The following RYR3 variants were observed in gnomAD, a reference collection of about 807,000 sequenced individuals.
RYR3 encodes ryanodine receptor 3.
A neutral mutation model predicts 584.3 loss-of-function variants in RYR3; 207 were observed. The observed-to-expected ratio is 0.35, with a 90% CI of 0.32 to 0.40. The LOEUF is 0.40. RYR3 is among the 10% of genes least tolerant of loss of function. RYR3 has a pLI of 1.00. For synonymous variants in RYR3, 2,416 were observed against 2,248.5 expected (o/e 1.07, Z -2.11); for missense variants, 5,616 against 6,089.2 (o/e 0.92, Z 2.59).
intron 1 of RYR3, among the ~76,000 whole-genome samples, chr15:33,448,553 A>T (rs1305369936): frequency 6.6e-6 from 1 of 152,278 alleles, no homozygotes; most frequent in African/African-American, 2.4e-5. Context: ...CTGAGCACTA[A>T]CAAGGAAATG....
In RYR3 at chr15:33,505,636, C is replaced by T. The variant is rs1010818201; in HGVS notation, c.279+1898C>T. Among the ~76,000 whole-genome samples, 8 of 152,084 alleles carry T rather than the reference C, an allele frequency of 5.3e-5. No homozygotes were observed. The South Asian group carries it at 6.2e-4, about 12-fold the overall frequency. ...CCTCCTGAGTAGCTGGGACTACAGGCGCCCGCCACCATGCCCGGCTAATTT... is the reference window on the plus strand; with the variant it reads ...CCTCCTGAGTAGCTGGGACTACAGGTGCCCGCCACCATGCCCGGCTAATTT... On this transcript the variant is annotated intron_variant, in intron 3 of 103. Transcript: ENST00000634891.
At chr15:33,388,653 A>G (rs76976761) in intron 1 of RYR3, among the ~76,000 whole-genome samples, 1 of 152,220 alleles carries the variant, frequency 6.6e-6, no homozygotes, top group Non-Finnish European at 1.5e-5. Context: ...ATTGGCTTCT[A>G]AGAGTGAACA....
chr15:33,709,978 C>T (rs928362438), intron 43 of RYR3, among the ~76,000 whole-genome samples: 9 of 152,140 alleles, frequency 5.9e-5, no homozygotes, highest in African/African-American at 1.9e-4. Flanking sequence ...TTGATACCCA[C>T]TCATGGGTTC....
intron 12 of RYR3, among the ~76,000 whole-genome samples, chr15:33,567,318 C>T (rs962370507): frequency 2.0e-5 from 3 of 152,190 alleles, no homozygotes; most frequent in Non-Finnish European, 4.4e-5. Context: ...CTAAATAATG[C>T]TTCCAAAACA....
intron 16 of RYR3, among the ~76,000 whole-genome samples, chr15:33,590,795 C>T (rs956044481): frequency 6.6e-6 from 1 of 152,094 alleles, no homozygotes; most frequent in African/African-American, 2.4e-5. Context: ...AATTTTACAT[C>T]TCATAGGTTT....
At chr15:33,576,603 A>G (rs948897635) in intron 12 of RYR3, among the ~76,000 whole-genome samples, 10 of 152,244 alleles carry the variant, frequency 6.6e-5, no homozygotes. Context: ...CTAGGTATTG[A>G]TGGGATATAC....
intron 80 of RYR3, among the ~76,000 whole-genome samples, chr15:33,822,586 C>A (rs572936137): frequency 6.6e-6 from 1 of 152,306 alleles, no homozygotes; most frequent in South Asian, 2.1e-4. Flanking sequence ...AACAAAGTTC[C>A]TACCTTCCAG....
chr15:33,777,640 G>T (rs748096305), intron 64 of RYR3, among the ~76,000 whole-genome samples: 3 of 151,912 alleles, frequency 2.0e-5, no homozygotes, highest in Non-Finnish European at 4.4e-5. Context: ...AATATGAGAG[G>T]GCAGGGCCAG....
At chr15:33,674,635 G>A (rs1009935069) in intron 38 of RYR3, among the ~76,000 whole-genome samples, 2 of 152,118 alleles carry the variant, frequency 1.3e-5, no homozygotes, top group Non-Finnish European at 2.9e-5. Context: ...AGGAGGAAAT[G>A]GGTATGGCTA....
intron 38 of RYR3, among the ~76,000 whole-genome samples, chr15:33,685,012 T>C (rs1220686340): frequency 6.6e-6 from 1 of 152,176 alleles, no homozygotes; most frequent in African/African-American, 2.4e-5. Context: ...TAAAGACCAT[T>C]GATGCTATGA....
At chr15:33,674,207 A>G (rs1413917473) in intron 38 of RYR3, among the ~76,000 whole-genome samples, 1 of 152,250 alleles carries the variant, frequency 6.6e-6, no homozygotes, top group East Asian at 1.9e-4. Flanking sequence ...GAAAACATCT[A>G]TACGAAATAA....
In RYR3 at chr15:33,509,205, G is replaced by A. The variant is rs1254277107; in HGVS notation, c.279+5467G>A. ...ACATCAAAACAAACACTGATGAAGGGAATTATTAGAAGCCCCTTGTTTAAA... is the reference window on the plus strand; with the variant it reads ...ACATCAAAACAAACACTGATGAAGGAAATTATTAGAAGCCCCTTGTTTAAA... On this transcript the variant is annotated intron_variant, in intron 3 of 103. Transcript: ENST00000634891. 2.0e-5 allele frequency among the ~76,000 whole-genome samples: 3 copies of A among 152,182 alleles called. No individual in the cohort carries two copies. In the East Asian group the frequency reaches 5.8e-4, roughly 29 times the overall value.
intron 7 of RYR3, 101 bp downstream of exon 7, chr15:33,540,991 TG>T: frequency 1.4e-6 from 1 of 729,572 alleles, no homozygotes; most frequent in Non-Finnish European, 2.4e-6. Context: ...CTGAATGTCT[TG>T]GTACACAGGT....
At chr15:33,547,516 T>C (rs1328397173) in intron 8 of RYR3, among the ~76,000 whole-genome samples, 2 of 152,190 alleles carry the variant, frequency 1.3e-5, no homozygotes, top group African/African-American at 2.4e-5. Flanking sequence ...CTCTGGACTA[T>C]CTTTAGTAAC....
At chr15:33,402,734 C>G (rs973265718) in intron 1 of RYR3, among the ~76,000 whole-genome samples, 4 of 152,204 alleles carry the variant, frequency 2.6e-5, no homozygotes, top group African/African-American at 4.8e-5. Flanking sequence ...AGAGGGGCCC[C>G]AGGACGACAA....
chr15:33,645,358 C>T (rs991698135), intron 28 of RYR3, among the ~76,000 whole-genome samples: 1 of 152,120 alleles, frequency 6.6e-6, no homozygotes, highest in Non-Finnish European at 1.5e-5. Flanking sequence ...GACAAATCAG[C>T]CCCATTGCAG....
chr15:33,603,510 C>A, intron 18 of RYR3, 146 bp downstream of exon 18: 1 of 909,750 alleles, frequency 1.1e-6, no homozygotes, highest in Non-Finnish European at 1.7e-6. Flanking sequence ...AAAAGAGTAT[C>A]AGATTAAAAT....
rs1332868617 is a variant in RYR3, at chr15:33,770,790, T to C, written c.8817-1130T>C. 1.3e-5 allele frequency among the ~76,000 whole-genome samples: 2 copies of C among 152,296 alleles called. 1 individual carries two copies. The highest frequency in any genetic ancestry group is 4.1e-4 in the South Asian group (2 of 4,828). On this transcript the variant is annotated intron_variant, in intron 62 of 103. Transcript: ENST00000634891. ...AATACTTATAGGATAAGAACAAGCC[T>C]AACTGACTTTATTTCTTTGTTTGTA...
intron 62 of RYR3, among the ~76,000 whole-genome samples, chr15:33,770,121 T>TTA (rs33916542): frequency 7.0e-6 from 1 of 143,598 alleles, no homozygotes; most frequent in Non-Finnish European, 1.5e-5. Flanking sequence ...ACCTCATCTT[T>TTA]AAAAAAAAAA....
Sources: gnomAD v4.1 joint callset for allele counts (sites outside exome capture counted in the v4.1 genomes callset) on GRCh38, gnomAD v4.1.1 for gene constraint, MANE v1.5 for transcripts, NCBI Gene and HGNC (gene_info 2026-07-23, HGNC 2026-07-21) for gene names.